The following STK10 variants were observed in gnomAD, a reference collection of about 807,000 sequenced individuals.
The protein encoded by STK10 is serine/threonine kinase 10.
STK10 carries 78 observed loss-of-function variants against 113.8 expected under a neutral mutation model. The ratio of observed to expected loss-of-function variants is 0.69; its 90% confidence interval spans 0.57 to 0.83. The LOEUF (loss-of-function observed/expected upper bound fraction) is 0.83. STK10 is among the 40% of genes least tolerant of loss of function. The probability of loss-of-function intolerance (pLI) is 0.00; values close to 1 mark genes in which losing one functional copy is unlikely to be tolerated. For missense variants in STK10, 1,109 were observed against 1,280.1 expected (o/e 0.87, Z 2.04); for synonymous variants, 465 against 494.7 (o/e 0.94, Z 0.80).
intron 10 of STK10, 47 bp downstream of exon 10, chr5:172,090,185 C>A (rs1225975195): frequency 6.2e-7 from 1 of 1,607,682 alleles, no homozygotes; most frequent in Non-Finnish European, 8.5e-7. Context: ...CTCCTCTTAC[C>A]ATAGCCCCAC....
At chr5:172,061,977 T>TTTCTTTTCTTTTCTTTTCTTTTCTTTTC (rs370669766) in intron 13 of STK10, among the ~76,000 whole-genome samples, 9 of 149,774 alleles carry the variant, frequency 6.0e-5, no homozygotes, top group African/African-American at 2.0e-4. Context: ...TTACTTTTCT[T>TTTCTTTTCTTTTCTTTTCTTTTCTTTTC]TTTTCTTTTT....
At chr5:172,075,046 T>C (rs576046552) in intron 12 of STK10, among the ~76,000 whole-genome samples, 29 of 151,154 alleles carry the variant, frequency 1.9e-4, no homozygotes, top group African/African-American at 7.0e-4. Context: ...CTGAGTGTGT[T>C]GGTATGTGCC....
At chr5:172,126,303 G>C (rs546027790) in intron 3 of STK10, among the ~76,000 whole-genome samples, 1 of 152,190 alleles carries the variant, frequency 6.6e-6, no homozygotes, top group Non-Finnish European at 1.5e-5. Flanking sequence ...AGTGATATTT[G>C]CCTGTAATCC....
chr5:172,112,934 C>CG (rs1478229683), intron 4 of STK10, among the ~76,000 whole-genome samples: 2 of 151,436 alleles, frequency 1.3e-5, no homozygotes, highest in African/African-American at 2.4e-5. Flanking sequence ...TTAGTAGAGA[C>CG]GGGGGGTTTC....
Position 172,106,710 on chromosome 5 carries a change from A to C in STK10, c.698T>G (p.Ile233Ser). The C allele has an allele frequency of 6.2e-7, 1 of 1,613,988 alleles. No individual in the cohort carries two copies. Among genetic ancestry groups the C allele is most frequent in the Non-Finnish European group, 8.5e-7 (1 of 1,180,006 alleles). ...LGITLIEMAQ[I>S]EPPHHELNPM... ...GTTGAGCTCGTGGTGTGGCGGCTCG[A>C]TCTGGGCCATCTCAATCAGCGTGAT... is the stretch of plus-strand genomic sequence containing the variant. The change falls in exon 6 of 19, where the codon ATC becomes AGC. Residue 233 changes from isoleucine (I) to serine (S), a missense_variant. Around this residue, in one of 5 missense-constraint regions of STK10, gnomAD observed 885 missense variants for 991.1 expected, o/e 0.89. Transcript: ENST00000176763.
chr5:172,067,378 T>A (rs941875335), intron 12 of STK10, among the ~76,000 whole-genome samples: 3 of 50,042 alleles, frequency 6.0e-5, no homozygotes, highest in African/African-American at 1.3e-4. Flanking sequence ...ATAGAATAAA[T>A]AAATAAATAA....
At chr5:172,047,457 C>T (rs1322825369) in intron 18 of STK10, among the ~76,000 whole-genome samples, 1 of 152,254 alleles carries the variant, frequency 6.6e-6, no homozygotes, top group Non-Finnish European at 1.5e-5. Context: ...CAGAACCAAC[C>T]TATGTCAGCA....
rs144827404 is a variant in STK10, at chr5:172,081,755, C to T, written c.1989+571G>A. Among the ~76,000 whole-genome samples, 210 of 152,340 alleles carry T rather than the reference C, an allele frequency of 1.4e-3. 2 individuals are homozygous for T. Among genetic ancestry groups the T allele is most frequent in the African/African-American group, 4.8e-3 (200 of 41,586 alleles). The stretch of plus-strand genomic sequence containing the variant: ...AACAGCCTGGACTGGCGTTCCTGCC[C>T]TGGGGGCTTCCAGCCTGCTTGTCTC... On this transcript the variant is annotated intron_variant, in intron 12 of 18. Coordinates refer to ENST00000176763, the MANE Select transcript of STK10 (RefSeq NM_005990.4).
chr5:172,147,477 T>C (rs1173807713), intron 2 of STK10, among the ~76,000 whole-genome samples: 2 of 152,002 alleles, frequency 1.3e-5, no homozygotes, highest in Non-Finnish European at 2.9e-5. Flanking sequence ...CTGCAACCTC[T>C]GCCTCCCGGG....
At chr5:172,161,691 T>C (rs1272423397) in intron 1 of STK10, among the ~76,000 whole-genome samples, 2 of 152,214 alleles carry the variant, frequency 1.3e-5, no homozygotes, top group African/African-American at 4.8e-5. Context: ...CAGTGCTGCT[T>C]ATATGTGTCA....
Position 172,057,476 on chromosome 5 carries a change from G to C in STK10, c.2213-3C>G. The C allele has an allele frequency of 6.5e-7, 1 of 1,549,076 alleles. No individual in the cohort carries two copies. The highest frequency in any genetic ancestry group is 1.2e-5 in the South Asian group (1 of 83,976). On this transcript the variant is annotated splice_region_variant and splice_polypyrimidine_tract_variant and intron_variant, in intron 14 of 18. Coordinates refer to ENST00000176763, the MANE Select transcript of STK10 (RefSeq NM_005990.4). Reference sequence around the variant, plus strand: ...CTCCCACAGGGCTGCTTCCCGGTCTGCAGAGGACATGCCACCGAGCTGGTG... The same window carrying C: ...CTCCCACAGGGCTGCTTCCCGGTCTCCAGAGGACATGCCACCGAGCTGGTG...
chr5:172,054,932 G>T (rs903044574), intron 16 of STK10, among the ~76,000 whole-genome samples: 13 of 152,162 alleles, frequency 8.5e-5, no homozygotes, highest in Non-Finnish European at 2.9e-5. Context: ...TGTGACACAC[G>T]CCAGGAAAGT....
intron 1 of STK10, among the ~76,000 whole-genome samples, chr5:172,180,894 C>T (rs555016041): frequency 6.6e-6 from 1 of 152,304 alleles, no homozygotes. Flanking sequence ...TTATTTTGAA[C>T]CTGCCAACTT....
chr5:172,145,460 T>C (rs1770066905), intron 2 of STK10, among the ~76,000 whole-genome samples: 1 of 151,278 alleles, frequency 6.6e-6, no homozygotes, highest in Admixed American at 6.6e-5. Context: ...TGGGGCAGTG[T>C]GGGGCGGTGG....
At chr5:172,164,224 A>AG (rs1296319191) in intron 1 of STK10, among the ~76,000 whole-genome samples, 1 of 150,548 alleles carries the variant, frequency 6.6e-6, no homozygotes, top group East Asian at 1.9e-4. Context: ...AAAAAAAAAA[A>AG]AAAAAAAAAA....
At chr5:172,100,821 A>G (rs1768973968) in intron 7 of STK10, among the ~76,000 whole-genome samples, 1 of 152,076 alleles carries the variant, frequency 6.6e-6, no homozygotes, top group Non-Finnish European at 1.5e-5. Context: ...AACACCTAAT[A>G]ATGCTCGCAG....
Position 172,133,435 on chromosome 5 carries a change from G to C in STK10, c.322-6014C>G, listed in dbSNP as rs1460768681. 6.6e-6 allele frequency among the ~76,000 whole-genome samples: 1 copy of C among 152,154 alleles called. No individual in the cohort carries two copies. The highest frequency in any genetic ancestry group is 1.5e-5 in the Non-Finnish European group (1 of 68,028). On this transcript the variant is annotated intron_variant, in intron 2 of 18. Transcript: ENST00000176763. This position sits in a 1 kb window ranked among gnomAD's most constrained non-coding sequence, Gnocchi z 4.9. Reference sequence around the variant, plus strand: ...CTTTGTGAAATAGCCATGAGAACTGGGTAGGACTTACTCATCCCCTGCAAG... The same window carrying C: ...CTTTGTGAAATAGCCATGAGAACTGCGTAGGACTTACTCATCCCCTGCAAG...
intron 12 of STK10, among the ~76,000 whole-genome samples, chr5:172,077,387 G>C (rs758838835): frequency 2.6e-5 from 4 of 152,176 alleles, no homozygotes; most frequent in Admixed American, 6.5e-5. Flanking sequence ...CTTCAAGACT[G>C]GTTATATTTG....
intron 12 of STK10, among the ~76,000 whole-genome samples, chr5:172,077,453 T>A (rs1308512090): frequency 6.6e-6 from 1 of 152,230 alleles, no homozygotes; most frequent in Non-Finnish European, 1.5e-5. Context: ...TTCTCATGGA[T>A]GCTAGAGATT....
Sources: allele counts gnomAD v4.1 joint callset (sites outside exome capture counted in the v4.1 genomes callset), GRCh38; gene constraint gnomAD v4.1.1; regional missense constraint gnomAD v4.1.1; non-coding constraint Gnocchi (gnomAD v3.1); transcripts MANE v1.5; gene names NCBI Gene and HGNC (gene_info 2026-07-23, HGNC 2026-07-21).